Variants in SPEF2 observed in about 807,000 individuals in gnomAD.
The protein encoded by SPEF2 is sperm flagellar and cilia associated 2.
In SPEF2, 187 loss-of-function variants were observed where a neutral mutation model predicts 224.6. That is an observed-to-expected ratio of 0.83 (90% CI 0.74 to 0.94). The LOEUF (loss-of-function observed/expected upper bound fraction) is 0.94. SPEF2 is among the 40% of genes least tolerant of loss of function. The probability of loss-of-function intolerance (pLI) is 0.00; values close to 1 mark genes in which losing one functional copy is unlikely to be tolerated. For synonymous variants in SPEF2, 715 were observed against 707.3 expected (o/e 1.01, Z -0.17); for missense variants, 2,170 against 2,135.6 (o/e 1.02, Z -0.32).
At chr5:35,764,690 T>A (rs753735296) in intron 26 of SPEF2, 1 of 456,194 alleles carries the variant, frequency 2.2e-6, no homozygotes, top group Non-Finnish European at 4.4e-6. Flanking sequence ...AGCACAGATC[T>A]CACAGCAAAC....
At chr5:35,766,512 C>T (rs1194496686) in intron 26 of SPEF2, among the ~76,000 whole-genome samples, 2 of 151,960 alleles carry the variant, frequency 1.3e-5, no homozygotes, top group Non-Finnish European at 2.9e-5. Flanking sequence ...CACTTTGTCA[C>T]TTCTGATGTT....
chr5:35,618,660 T>A (rs1376439702), intron 1 of SPEF2, among the ~76,000 whole-genome samples: 2 of 152,192 alleles, frequency 1.3e-5, no homozygotes, highest in African/African-American at 2.4e-5. Context: ...TTAGTAAATT[T>A]TAAGCCCCAA....
At position 35,661,719 on chromosome 5, in the gene SPEF2, C is replaced by T. The variant is rs144996922; in HGVS notation, c.1167+2512C>T. Among the ~76,000 whole-genome samples the T allele has an allele frequency of 2.2e-3, 329 of 152,166 alleles. 1 individual carries two copies. The highest frequency in any genetic ancestry group is 7.8e-3 in the African/African-American group (325 of 41,508). On this transcript the variant is annotated intron_variant, in intron 8 of 36. Transcript: ENST00000356031. The stretch of plus-strand genomic sequence containing the variant: ...GCATTAGTTTGCTGAGGATAATAGC[C>T]TCCAGCTCAATCCATGTCTCTGCAA...
intron 21 of SPEF2, among the ~76,000 whole-genome samples, chr5:35,728,855 C>T (rs1745121300): frequency 6.6e-6 from 1 of 151,868 alleles, no homozygotes; most frequent in Admixed American, 6.6e-5. Flanking sequence ...ACAGAAGCTA[C>T]TTTAATATAT....
intron 18 of SPEF2, among the ~76,000 whole-genome samples, chr5:35,707,720 G>T (rs1446622576): frequency 6.6e-6 from 1 of 152,110 alleles, no homozygotes; most frequent in Non-Finnish European, 1.5e-5. Flanking sequence ...AAAGACTCCA[G>T]TCAGGCATGC....
chr5:35,740,257 A>G lies in SPEF2; in HGVS notation c.3320A>G (p.Gln1107Arg), dbSNP rs755651077. The G allele has an allele frequency of 6.2e-7, 1 of 1,614,098 alleles. No homozygotes were observed. Among genetic ancestry groups the G allele is most frequent in the Non-Finnish European group, 8.5e-7 (1 of 1,180,002 alleles). Residue 1107 changes from glutamine (Q) to arginine (R), a missense_variant, in exon 23 of 37, where the codon CAA becomes CGA. Gln to Arg is a conservative substitution (Grantham distance 43). Coordinates refer to ENST00000356031, the MANE Select transcript of SPEF2 (RefSeq NM_024867.4). ...DDEETKAELH[Q>R]RVNDLRDRLW... ...GAGGAAACAAAGGCTGAACTACATC[A>G]ACGAGTGAATGTAAGGAAATAGTGA...
chr5:35,786,448 T>A (rs1459771852), intron 30 of SPEF2, among the ~76,000 whole-genome samples: 2 of 151,818 alleles, frequency 1.3e-5, no homozygotes, highest in Non-Finnish European at 2.9e-5. Flanking sequence ...TCACCTGAGG[T>A]CAGGAGTTCG....
chr5:35,656,173 T>G (rs897594705), intron 7 of SPEF2, among the ~76,000 whole-genome samples: 5 of 152,064 alleles, frequency 3.3e-5, no homozygotes, highest in South Asian at 2.1e-4. Flanking sequence ...AAACTTGGGG[T>G]GGGCAGTGAT....
At position 35,740,018 on chromosome 5, in the gene SPEF2, A is replaced by G. The variant is rs771393710; in HGVS notation, c.3163A>G (p.Thr1055Ala). ...CAGGCATCTGAGGGAAGACCAGCAT[A>G]CTGTGCTTGCTTACTTATATGAGAT... ...VLRHLREDQH[T>A]VLAYLYEIRT... is the part of the protein sequence containing the mutation. Residue 1055 changes from threonine (T) to alanine (A), a missense_variant, in exon 22 of 37, where the codon ACT becomes GCT. Thr to Ala is a moderately conservative substitution (Grantham distance 58). Transcript: ENST00000356031. The G allele has an allele frequency of 2.5e-6, 4 of 1,614,146 alleles. No homozygotes were observed. Among genetic ancestry groups the G allele is most frequent in the Middle Eastern group, 1.7e-4 (1 of 6,060 alleles).
chr5:35,648,467 C>T (rs1747726507), intron 5 of SPEF2, among the ~76,000 whole-genome samples: 1 of 151,708 alleles, frequency 6.6e-6, no homozygotes, highest in South Asian at 2.1e-4. Flanking sequence ...TCATTGCAGC[C>T]TTAACCTCCA....
chr5:35,776,063 T>C (rs1355650697), intron 28 of SPEF2, among the ~76,000 whole-genome samples, 194 bp from the exon 29 acceptor site: 1 of 152,228 alleles, frequency 6.6e-6, no homozygotes, highest in East Asian at 1.9e-4. Flanking sequence ...GTTCAGATAA[T>C]TTCTCAAATG....
intron 30 of SPEF2, chr5:35,789,517 T>C: frequency 1.5e-6 from 1 of 651,726 alleles, no homozygotes; most frequent in African/African-American, 1.8e-5. Context: ...AAAGAACGCA[T>C]GGTGGATTCA....
chr5:35,738,180 T>TG (rs1746971813), intron 21 of SPEF2, among the ~76,000 whole-genome samples: 1 of 152,148 alleles, frequency 6.6e-6, no homozygotes, highest in African/African-American at 2.4e-5. Flanking sequence ...TTCACTCTGA[T>TG]GTAGTTTCTT....
At chr5:35,769,714 A>G (rs916749496) in intron 26 of SPEF2, among the ~76,000 whole-genome samples, 2 of 152,134 alleles carry the variant, frequency 1.3e-5, no homozygotes, top group African/African-American at 4.8e-5. Flanking sequence ...GAAGAGTTAC[A>G]TGCTGCCATG....
rs547123163 is a variant in SPEF2 at position 35,740,893 on chromosome 5, AC to A, written c.3330+633del. On this transcript the variant is annotated intron_variant, in intron 23 of 36. Transcript: ENST00000356031. ...TTCATCTTTCATTTTAAATTGACAC[AC>A]CCCCCCTTATCCCATCAGAGGGATA... Among the ~76,000 whole-genome samples the A allele has an allele frequency of 4.6e-5, 7 of 151,482 alleles. No individual in the cohort carries two copies. The East Asian group carries it at 9.7e-4, about 21-fold the overall frequency.
intron 29 of SPEF2, among the ~76,000 whole-genome samples, chr5:35,778,244 ACT>A (rs754419102): frequency 2.0e-5 from 3 of 152,202 alleles, no homozygotes; most frequent in Non-Finnish European, 4.4e-5. Context: ...GCGATAATGC[ACT>A]TATTCATGTA....
At chr5:35,772,832 A>G (rs1374575432) in intron 27 of SPEF2, among the ~76,000 whole-genome samples, 1 of 152,186 alleles carries the variant, frequency 6.6e-6, no homozygotes, top group African/African-American at 2.4e-5. Context: ...TGTAACTTAC[A>G]TATACATCTA....
chr5:35,777,573 C>A (rs1233775404), intron 29 of SPEF2, among the ~76,000 whole-genome samples: 2 of 151,374 alleles, frequency 1.3e-5, no homozygotes, highest in Non-Finnish European at 2.9e-5. Flanking sequence ...ATTCATATTT[C>A]TCAGATTTAT....
rs779467120 is a variant in SPEF2 at position 35,740,141 on chromosome 5, G to A, written c.3204G>A (p.Gln1068=). The change falls in exon 23 of 37, where the codon CAG becomes CAA. Residue 1068 remains glutamine, a synonymous_variant. Transcript: ENST00000356031. Reference sequence around the variant, plus strand: ...TTAATGTCTACAGAACAAGTTTCCAGGAGTTTCTAAAGCGTCCGGATCACA... The same window carrying A: ...TTAATGTCTACAGAACAAGTTTCCAAGAGTTTCTAAAGCGTCCGGATCACA... ...AYLYEIRTSF[Q]EFLKRPDHKQ... 7 of 1,614,004 alleles carry A rather than the reference G, an allele frequency of 4.3e-6. No individual in the cohort carries two copies. In the African/African-American group the frequency reaches 5.3e-5, roughly 12 times the overall value.
Sources: allele counts gnomAD v4.1 joint callset (sites outside exome capture counted in the v4.1 genomes callset), GRCh38; gene constraint gnomAD v4.1.1; transcripts MANE v1.5; gene names NCBI Gene and HGNC (gene_info 2026-07-23, HGNC 2026-07-21).